NOC3L: variants seen among roughly 807,000 people sequenced by gnomAD.
NOC3L encodes nucleolar complex protein 3 homolog.
Under a neutral mutation model 102.5 loss-of-function variants are expected in NOC3L, and 85 were observed. That is an observed-to-expected ratio of 0.83 (90% CI 0.70 to 0.99). The LOEUF (loss-of-function observed/expected upper bound fraction) is 0.99, where lower values mean the gene tolerates loss of function less well. NOC3L is among the 50% of genes least tolerant of loss of function. NOC3L has a pLI of 0.00. For synonymous variants in NOC3L, 303 were observed against 309.4 expected (o/e 0.98, Z 0.22); for missense variants, 878 against 914.9 (o/e 0.96, Z 0.52).
intron 19 of NOC3L, 70 bp from the exon 20 acceptor site, chr10:94,334,788 C>A: frequency 9.3e-7 from 1 of 1,077,968 alleles, no homozygotes; most frequent in Non-Finnish European, 1.4e-6. Context: ...TTAGATTATA[C>A]TCAGAGAATG....
chr10:94,350,624 A>G, intron 8 of NOC3L, among the ~76,000 whole-genome samples: 1 of 150,408 alleles, frequency 6.6e-6, no homozygotes. Context: ...AGGCTGAGGC[A>G]GGGGAATCAC....
chr10:94,315,769 C>CA, the NOC3L span, among the ~76,000 whole-genome samples: 2,909 of 122,744 alleles, frequency 0.024, 167 homozygotes, highest in East Asian at 0.26. Context: ...GACTCTGTCT[C>CA]AAAAAAAAAA....
At chr10:94,352,801 G>A (rs2054436151) in intron 7 of NOC3L, 95 bp downstream of exon 7, 4 of 1,069,732 alleles carry the variant, frequency 3.7e-6, no homozygotes, top group Admixed American at 4.8e-5. Context: ...TAGTCTGGGC[G>A]ACAGAGTAAA....
downstream of NOC3L, chr10:94,328,278 A>C (rs566520124): frequency 4.8e-6 from 1 of 208,434 alleles, no homozygotes; most frequent in Admixed American, 5.1e-5. Flanking sequence ...TGGGGGCCAT[A>C]AAATATGTTG....
intron 13 of NOC3L, among the ~76,000 whole-genome samples, 155 bp from the exon 14 acceptor site, chr10:94,341,900 G>A (rs1174817323): frequency 6.6e-6 from 1 of 152,186 alleles, no homozygotes; most frequent in Non-Finnish European, 1.5e-5. Context: ...CATTAATTCA[G>A]ATTGGCCTCT....
chr10:94,356,554 T>C lies in NOC3L; in HGVS notation c.546A>G (p.Glu182=), dbSNP rs779983785. Reference sequence around the variant, plus strand: ...TATTACCTTCCTCAAGTTCCCTCTCTTCTTCTTGATCCTCTTCATCTTTGT... The same window carrying C: ...TATTACCTTCCTCAAGTTCCCTCTCCTCTTCTTGATCCTCTTCATCTTTGT... ...DSNKDEEDQE[E]ERELEEEIIE... Residue 182 remains glutamate (E), a synonymous_variant, in exon 5 of 21, where the codon GAA becomes GAG. Coordinates refer to ENST00000371361, the MANE Select transcript of NOC3L (RefSeq NM_022451.11). 6.3e-7 allele frequency: 1 copy of C among 1,582,296 alleles called. No homozygotes were observed. The highest frequency in any genetic ancestry group is 2.2e-5 in the East Asian group (1 of 44,594).
chr10:94,318,412 A>G, the NOC3L span, among the ~76,000 whole-genome samples: 2 of 152,258 alleles, frequency 1.3e-5, no homozygotes, highest in Non-Finnish European at 1.5e-5. Flanking sequence ...TGTAAACCTC[A>G]TACTTGTGTA....
chr10:94,361,498 G>A, intron 2 of NOC3L, 167 bp downstream of exon 2: 2 of 605,840 alleles, frequency 3.3e-6, no homozygotes, highest in Non-Finnish European at 5.8e-6. Flanking sequence ...TACTGACTGT[G>A]ATAAAGCATA....
At position 94,349,759 on chromosome 10, in the gene NOC3L, CATTT is replaced by C. The variant is rs200320933; in HGVS notation, c.1128+350_1128+353del. The stretch of plus-strand genomic sequence containing the variant: ...TGGTGTATAATTTTCTTTTTTTATT[CATTT>C]ATTTATTTTTTTTGAGACAGAGTCT... On this transcript the variant is annotated intron_variant, in intron 9 of 20. Coordinates refer to ENST00000371361, the MANE Select transcript of NOC3L (RefSeq NM_022451.11). Among the ~76,000 whole-genome samples the C allele has an allele frequency of 2.1e-3, 312 of 151,636 alleles. 3 individuals are homozygous for C. In the East Asian group the frequency reaches 0.054, roughly 26 times the overall value.
the NOC3L span, among the ~76,000 whole-genome samples, chr10:94,317,261 AAAGAC>A: frequency 6.6e-6 from 1 of 152,242 alleles, no homozygotes. Flanking sequence ...TCTCAAAAAA[AAAGAC>A]AAGGAAATAT....
the NOC3L span, among the ~76,000 whole-genome samples, chr10:94,323,600 T>C: frequency 1.3e-5 from 2 of 152,240 alleles, no homozygotes; most frequent in African/African-American, 4.8e-5. Flanking sequence ...GTACTTTCCT[T>C]GAAGGTTAAG....
downstream of NOC3L, chr10:94,330,517 A>G (rs2054146375): frequency 6.6e-6 from 1 of 152,044 alleles, no homozygotes; most frequent in Admixed American, 6.5e-5. Context: ...TAAAAATACA[A>G]AAATTAGCTG....
At chr10:94,344,292 G>A in intron 13 of NOC3L, 123 bp downstream of exon 13, 1 of 550,402 alleles carries the variant, frequency 1.8e-6, no homozygotes, top group Admixed American at 3.2e-5. Context: ...AGTAAAGGCT[G>A]GTGACAATCA....
chr10:94,358,082 C>A lies in NOC3L; in HGVS notation c.350+1G>T. ...TGATTATAACCCAAATGAAGTATTA[C>A]CTAGAAGAAAGATCTCTTGTTAGAA... On this transcript the variant is annotated splice_donor_variant, in intron 3 of 20. Transcript: ENST00000371361. LOFTEE classifies it high-confidence loss of function. The A allele has an allele frequency of 6.4e-7, 1 of 1,568,070 alleles. No individual in the cohort carries two copies. The highest frequency in any genetic ancestry group is 8.8e-7 in the Non-Finnish European group (1 of 1,139,002).
At chr10:94,356,418 T>C (rs2054484897) in intron 5 of NOC3L, 117 bp downstream of exon 5, 1 of 674,768 alleles carries the variant, frequency 1.5e-6, no homozygotes, top group Non-Finnish European at 2.6e-6. Flanking sequence ...CAAAGTGACC[T>C]TGAAATGAGC....
intron 13 of NOC3L, among the ~76,000 whole-genome samples, chr10:94,343,102 T>C (rs1158046912): frequency 1.4e-5 from 2 of 147,344 alleles, no homozygotes; most frequent in African/African-American, 5.0e-5. Flanking sequence ...AAAAAAAAGG[T>C]GGCAGATGGC....
chr10:94,334,782 A>C lies in NOC3L; in HGVS notation c.2190-64T>G. ...ATCTGTGTAACTCAAAAATAATTAG[A>C]TTATACTCAGAGAATGATTCATTCT... is the stretch of plus-strand genomic sequence containing the variant. On this transcript the variant is annotated intron_variant, in intron 19 of 20. Transcript: ENST00000371361. The C allele has an allele frequency of 5.4e-6, 6 of 1,120,638 alleles. No individual in the cohort carries two copies. The Middle Eastern group carries it at 6.3e-4, about 118-fold the overall frequency. The allele number at this position is 1,120,638 out of a possible 1,614,324, so 69.4% of individuals were successfully genotyped here.
the NOC3L span, chr10:94,325,703 A>G: frequency 6.6e-6 from 1 of 152,242 alleles, no homozygotes; most frequent in Non-Finnish European, 1.5e-5. Context: ...CCAAGAAGTC[A>G]ATCAACTTGC....
Position 94,334,028 on chromosome 10 carries a change from C to G in NOC3L, c.*149G>C, listed in dbSNP as rs935606914. ...TTCAGAATAGGGGCAGAACCCTGTG[C>G]CATGCAAAGGGTCATTCTTCCTCTT... On this transcript the variant is annotated 3_prime_UTR_variant, in exon 21 of 21. Transcript: ENST00000371361. 1.9e-6 allele frequency: 1 copy of G among 533,290 alleles called. No homozygotes were observed. The highest frequency in any genetic ancestry group is 3.3e-6 in the Non-Finnish European group (1 of 302,418). The allele number at this position is 533,290 out of a possible 1,614,324, so 33.0% of individuals were successfully genotyped here. A position where few individuals can be genotyped will look rare whatever the true frequency, so the allele number is the denominator to read the frequency against.
Sources: gnomAD v4.1 joint callset for allele counts (sites outside exome capture counted in the v4.1 genomes callset) on GRCh38, gnomAD v4.1.1 for gene constraint, MANE v1.5 for transcripts, NCBI Gene and HGNC (gene_info 2026-07-23, HGNC 2026-07-21) for gene names.